Variants in CTNNA3 observed in about 807,000 individuals in gnomAD.
CTNNA3 encodes the protein catenin alpha-3.
In CTNNA3, 76 loss-of-function variants were observed where a neutral mutation model predicts 95.7. The ratio of observed to expected loss-of-function variants is 0.79; its 90% CI spans 0.66 to 0.96. CTNNA3 has a LOEUF of 0.96. Ranked by LOEUF, CTNNA3 falls within the 40% of genes least tolerant of loss-of-function variation. The pLI, the probability that CTNNA3 is intolerant of heterozygous loss-of-function variation, is 0.00. For synonymous variants in CTNNA3, 431 were observed against 374.4 expected, an observed-to-expected ratio of 1.15 and a Z score of -1.74; for missense variants, 1,191 against 1,089.8, an observed-to-expected ratio of 1.09 and a Z score of -1.31.
At chr10:66,150,813 C>T (rs1317187802) in intron 13 of CTNNA3, among the ~76,000 whole-genome samples, 1 of 151,796 alleles carries the variant, frequency 6.6e-6, no homozygotes, top group African/African-American at 2.4e-5. Flanking sequence ...TTGTTTTAAA[C>T]CTGATTTCTT....
At chr10:66,586,387 G>C (rs1002908462) in intron 10 of CTNNA3, among the ~76,000 whole-genome samples, 3 of 152,046 alleles carry the variant, frequency 2.0e-5, no homozygotes, top group African/African-American at 7.2e-5. Context: ...TCTTTTCATG[G>C]GGAAGTGAAG....
intron 5 of CTNNA3, among the ~76,000 whole-genome samples, chr10:67,368,490 T>G (rs997986728): frequency 6.6e-6 from 1 of 152,200 alleles, no homozygotes; most frequent in African/African-American, 2.4e-5. Context: ...ACCATGTGAC[T>G]AAGCCACTGC....
chr10:66,537,573 A>C (rs1489694305), intron 10 of CTNNA3, among the ~76,000 whole-genome samples: 1 of 148,312 alleles, frequency 6.7e-6, no homozygotes, highest in African/African-American at 2.5e-5. Context: ...TATTTATAAT[A>C]ATTATAAATA....
chr10:67,163,118 T>A (rs185722738), intron 7 of CTNNA3, among the ~76,000 whole-genome samples: 6 of 151,956 alleles, frequency 3.9e-5, no homozygotes, highest in Admixed American at 3.9e-4. Flanking sequence ...GAGGGAGTAC[T>A]TTCCAATCAA....
intron 13 of CTNNA3, among the ~76,000 whole-genome samples, chr10:66,275,179 A>G (rs575058744): frequency 8.3e-4 from 126 of 152,172 alleles, no homozygotes; most frequent in African/African-American, 2.9e-3. Flanking sequence ...GTGCAATGGC[A>G]TGATCTCAGC....
chr10:67,432,457 A>C (rs1846139472), intron 5 of CTNNA3, among the ~76,000 whole-genome samples: 1 of 152,000 alleles, frequency 6.6e-6, no homozygotes, highest in African/African-American at 2.4e-5. Flanking sequence ...AAGGCTGCAC[A>C]CCCTATAGAG....
intron 10 of CTNNA3, among the ~76,000 whole-genome samples, chr10:66,576,735 A>G (rs757760588): frequency 1.3e-5 from 2 of 152,038 alleles, no homozygotes; most frequent in Non-Finnish European, 1.5e-5. Flanking sequence ...TCCACTGTCA[A>G]TGGGCATCTT....
At chr10:66,404,690 T>C (rs2093044124) in intron 11 of CTNNA3, among the ~76,000 whole-genome samples, 1 of 152,172 alleles carries the variant, frequency 6.6e-6, no homozygotes, top group African/African-American at 2.4e-5. Context: ...TTCTCCAACC[T>C]GCAGCCCTGT....
chr10:66,116,128 A>C (rs1001909643), intron 13 of CTNNA3, among the ~76,000 whole-genome samples: 1 of 152,228 alleles, frequency 6.6e-6, no homozygotes, highest in Non-Finnish European at 1.5e-5. Flanking sequence ...CCAAAACTAA[A>C]AGGCCTATTT....
chr10:66,988,764 C>A (rs1259643360), intron 7 of CTNNA3, among the ~76,000 whole-genome samples: 1 of 152,018 alleles, frequency 6.6e-6, no homozygotes, highest in East Asian at 1.9e-4. Flanking sequence ...GAGACAGGTG[C>A]AATTTTTTTC....
intron 9 of CTNNA3, among the ~76,000 whole-genome samples, chr10:66,673,869 T>C (rs1354257853): frequency 6.6e-6 from 1 of 152,066 alleles, no homozygotes; most frequent in African/African-American, 2.4e-5. Flanking sequence ...AGAAGTTCAA[T>C]GGCAATTTGA....
At chr10:67,299,933 G>T (rs982554901) in intron 5 of CTNNA3, among the ~76,000 whole-genome samples, 3 of 152,164 alleles carry the variant, frequency 2.0e-5, no homozygotes, top group African/African-American at 7.2e-5. Flanking sequence ...ACATTGGAAG[G>T]CTGCACATGT....
At chr10:67,761,192 A>C (rs909762766) in intron 1 of CTNNA3, among the ~76,000 whole-genome samples, 2 of 152,342 alleles carry the variant, frequency 1.3e-5, no homozygotes, top group African/African-American at 4.8e-5. Context: ...TTAAAGTTTT[A>C]TGGGACTGCT....
At chr10:67,075,046 C>A (rs2619654) in intron 7 of CTNNA3, among the ~76,000 whole-genome samples, 1 of 151,912 alleles carries the variant, frequency 6.6e-6, no homozygotes, top group Admixed American at 6.6e-5. Flanking sequence ...TCTTCAGCTT[C>A]TAACAGTAAG....
intron 1 of CTNNA3, among the ~76,000 whole-genome samples, chr10:67,649,140 T>A (rs1839805812): frequency 6.6e-6 from 1 of 152,246 alleles, no homozygotes; most frequent in Non-Finnish European, 1.5e-5. Flanking sequence ...GGTACTATCC[T>A]ACATAAAAAT....
At chr10:66,503,013 G>T (rs1840331237) in intron 11 of CTNNA3, among the ~76,000 whole-genome samples, 1 of 151,910 alleles carries the variant, frequency 6.6e-6, no homozygotes, top group African/African-American at 2.4e-5. Context: ...AGTTATTTTG[G>T]TTAACTATAT....
intron 5 of CTNNA3, among the ~76,000 whole-genome samples, chr10:67,404,011 AAAC>A (rs1845033573): frequency 6.6e-6 from 1 of 152,196 alleles, no homozygotes; most frequent in Admixed American, 6.5e-5. Context: ...AAAACGAGCA[AAAC>A]AACAAGAACA....
chr10:67,180,539 T>C lies in CTNNA3; in HGVS notation c.844-19A>G. 1.3e-6 allele frequency: 2 copies of C among 1,586,930 alleles called. No individual in the cohort carries two copies. The highest frequency in any genetic ancestry group is 1.7e-6 in the Non-Finnish European group (2 of 1,155,488). ...TTAAATTCTAAGAGAAGAACACATT[T>C]GTATGGTTAGAGCTCCATGGCATTT... On this transcript the variant is annotated intron_variant, in intron 6 of 17. Transcript: ENST00000433211.
intron 7 of CTNNA3, among the ~76,000 whole-genome samples, chr10:67,007,125 T>C (rs966049127): frequency 6.6e-6 from 1 of 152,178 alleles, no homozygotes; most frequent in Non-Finnish European, 1.5e-5. Flanking sequence ...TATTGCTTAT[T>C]GGTTCTTCAC....
Sources: allele counts gnomAD v4.1 joint callset (sites outside exome capture counted in the v4.1 genomes callset), GRCh38; gene constraint gnomAD v4.1.1; transcripts MANE v1.5; gene names NCBI Gene and HGNC (gene_info 2026-07-23, HGNC 2026-07-21).